TBC1D32: variants seen among roughly 807,000 people sequenced by gnomAD.
TBC1D32 encodes the protein TBC1 domain family member 32.
TBC1D32 carries 151 observed loss-of-function variants against 170.3 expected under a neutral mutation model. The ratio of observed to expected loss-of-function variants is 0.89; its 90% CI spans 0.78 to 1.01. The LOEUF (loss-of-function observed/expected upper bound fraction) is 1.01. TBC1D32 is among the 50% of genes least tolerant of loss of function. The pLI, the probability that TBC1D32 is intolerant of heterozygous loss-of-function variation, is 0.00. For missense variants in TBC1D32, 1,464 were observed against 1,457.1 expected, an observed-to-expected ratio of 1.00 and a Z score of -0.08; for synonymous variants, 498 against 488.0, an observed-to-expected ratio of 1.02 and a Z score of -0.27.
intron 24 of TBC1D32, among the ~76,000 whole-genome samples, chr6:121,152,498 G>C (rs1054027275): frequency 1.3e-5 from 2 of 152,050 alleles, no homozygotes; most frequent in Non-Finnish European, 2.9e-5. Context: ...TTCTCAAGGA[G>C]CATCTTTGTG....
chr6:121,326,714 C>T (rs1259999642), intron 1 of TBC1D32, among the ~76,000 whole-genome samples: 2 of 151,868 alleles, frequency 1.3e-5, no homozygotes, highest in Non-Finnish European at 1.5e-5. Context: ...CCCAAGGACC[C>T]CAGGGTTAAA....
chr6:121,258,512 T>C (rs1799343934), intron 15 of TBC1D32, among the ~76,000 whole-genome samples: 1 of 152,130 alleles, frequency 6.6e-6, no homozygotes, highest in Non-Finnish European at 1.5e-5. Context: ...AATCTAAGTA[T>C]AATCAAGGTA....
At position 121,177,340 on chromosome 6, in the gene TBC1D32, T is replaced by C. The variant is rs1025879664; in HGVS notation, c.2571-16284A>G. Among the ~76,000 whole-genome samples, 8 of 152,132 alleles carry C rather than the reference T, an allele frequency of 5.3e-5. 1 individual carries two copies. Among genetic ancestry groups the C allele is most frequent in the Admixed American group, 2.0e-4 (3 of 15,278 alleles). ...TCTGGTTGTTTAAAAGTCTGTAGCA[T>C]CTTCCCTCTTGCTCCTGCTCCTGCC... On this transcript the variant is annotated intron_variant, in intron 22 of 31. Coordinates refer to ENST00000398212, the MANE Select transcript of TBC1D32 (RefSeq NM_152730.6).
chr6:121,170,760 A>G (rs1786870621), intron 22 of TBC1D32, among the ~76,000 whole-genome samples: 1 of 152,030 alleles, frequency 6.6e-6, no homozygotes, highest in Admixed American at 6.6e-5. Context: ...ATTTTTTAAA[A>G]TGTATCTAAA....
intron 11 of TBC1D32, among the ~76,000 whole-genome samples, chr6:121,292,652 C>CAT (rs138099551): frequency 0.033 from 4,986 of 152,150 alleles, 194 homozygotes; most frequent in East Asian, 0.12. Flanking sequence ...TTGTCATTCA[C>CAT]ATATATATAC....
At position 121,131,693 on chromosome 6, in the gene TBC1D32, T is replaced by C. The variant is rs1230208795; in HGVS notation, c.2833A>G (p.Ile945Val). The change falls in exon 25 of 32, where the codon ATA becomes GTA. Residue 945 changes from isoleucine to valine, a missense_variant. Around this residue, in one of 3 missense-constraint regions of TBC1D32, gnomAD observed 1,363 missense variants for 1,338.1 expected, o/e 1.02. Transcript: ENST00000398212. ...CAAAATTGTCTTTGGCAGTTTTCTA[T>C]CCATTCAGTTTGTTTATCAGATATT... ...LKISDKQTEW[I>V]ENCQRQFCKM... 4 of 1,610,646 alleles carry C rather than the reference T, an allele frequency of 2.5e-6. No individual in the cohort carries two copies. The highest frequency in any genetic ancestry group is 2.7e-5 in the African/African-American group (2 of 74,834).
At chr6:121,288,893 C>T (rs1393182192) in intron 12 of TBC1D32, among the ~76,000 whole-genome samples, 19 of 151,982 alleles carry the variant, frequency 1.3e-4, no homozygotes, top group East Asian at 3.9e-4. Flanking sequence ...ACAGAACCAA[C>T]GACAAAAACC....
chr6:121,136,390 T>C (rs975679), intron 24 of TBC1D32, among the ~76,000 whole-genome samples: 27,861 of 152,104 alleles, frequency 0.18, 3,426 homozygotes, highest in African/African-American at 0.33. Flanking sequence ...GGTTCTCAAG[T>C]GGACATGGTT....
intron 15 of TBC1D32, among the ~76,000 whole-genome samples, chr6:121,266,902 G>A (rs564291889): frequency 7.5e-4 from 114 of 151,954 alleles, no homozygotes; most frequent in Non-Finnish European, 1.3e-3. Flanking sequence ...CACACACCAG[G>A]GCCTGTCGGT....
At chr6:121,262,019 TG>T (rs1799830271) in intron 15 of TBC1D32, among the ~76,000 whole-genome samples, 2 of 151,956 alleles carry the variant, frequency 1.3e-5, no homozygotes, top group Non-Finnish European at 2.9e-5. Context: ...ATCAATCAAG[TG>T]GAAGAAAAAA....
chr6:121,312,474 G>C (rs912701989), intron 3 of TBC1D32, among the ~76,000 whole-genome samples: 1 of 152,022 alleles, frequency 6.6e-6, no homozygotes, highest in Non-Finnish European at 1.5e-5. Context: ...ATGTGGCCTC[G>C]AACTCCTGGG....
At chr6:121,115,601 T>C (rs1779609446) in intron 26 of TBC1D32, 1 of 161,298 alleles carries the variant, frequency 6.2e-6, no homozygotes. Flanking sequence ...GAATTACAAA[T>C]ATATACAAGA....
At chr6:121,127,204 C>T (rs1422356882) in intron 25 of TBC1D32, among the ~76,000 whole-genome samples, 1 of 152,114 alleles carries the variant, frequency 6.6e-6, no homozygotes, top group Non-Finnish European at 1.5e-5. Context: ...AGGATATTAA[C>T]TCTAACCTAT....
At chr6:121,105,149 TAAC>T (rs1159275623) in intron 30 of TBC1D32, among the ~76,000 whole-genome samples, 1 of 151,918 alleles carries the variant, frequency 6.6e-6, no homozygotes, top group Non-Finnish European at 1.5e-5. Flanking sequence ...TTCAATTAGT[TAAC>T]AAAATTATGG....
intron 22 of TBC1D32, among the ~76,000 whole-genome samples, chr6:121,203,144 G>A (rs542981133): frequency 6.6e-6 from 1 of 150,910 alleles, no homozygotes; most frequent in African/African-American, 2.5e-5. Context: ...AGAAACACAA[G>A]GTTTATGAAA....
At chr6:121,321,339 C>A (rs766229358) in intron 2 of TBC1D32, among the ~76,000 whole-genome samples, 1 of 152,094 alleles carries the variant, frequency 6.6e-6, no homozygotes, top group Non-Finnish European at 1.5e-5. Context: ...GCAGGCAAGA[C>A]CACAGTGGCT....
intron 31 of TBC1D32, among the ~76,000 whole-genome samples, chr6:121,081,830 T>C (rs1179056422): frequency 2.0e-5 from 3 of 152,094 alleles, no homozygotes; most frequent in Admixed American, 2.0e-4. Flanking sequence ...TTAGTAACCA[T>C]TCACAGCTTG....
chr6:121,171,107 A>G (rs1273750), intron 22 of TBC1D32, among the ~76,000 whole-genome samples: 144,234 of 151,862 alleles, frequency 0.95, 68,895 homozygotes, highest in Non-Finnish European at 1. Flanking sequence ...TCTTGCCCAG[A>G]AAACTGAACC....
intron 15 of TBC1D32, among the ~76,000 whole-genome samples, chr6:121,274,614 A>G (rs1474389401): frequency 6.6e-6 from 1 of 152,164 alleles, no homozygotes; most frequent in Non-Finnish European, 1.5e-5. Context: ...GTCAATTTAA[A>G]AAGACACTCA....
Sources: gnomAD v4.1 joint callset for allele counts (sites outside exome capture counted in the v4.1 genomes callset) on GRCh38, gnomAD v4.1.1 for gene constraint, gnomAD v4.1.1 regional missense constraint, MANE v1.5 for transcripts, NCBI Gene and HGNC (gene_info 2026-07-23, HGNC 2026-07-21) for gene names.